CSGALNACT1: variants seen among roughly 807,000 people sequenced by gnomAD.
CSGALNACT1 encodes the protein chondroitin sulfate N-acetylgalactosaminyltransferase 1.
CSGALNACT1 carries 52 observed loss-of-function variants against 51.0 expected under a neutral mutation model. The ratio of observed to expected loss-of-function variants is 1.02; its 90% CI spans 0.82 to 1.29. The LOEUF (loss-of-function observed/expected upper bound fraction) is 1.29. Ranked by LOEUF, CSGALNACT1 falls within the 50% of genes most tolerant of loss-of-function variation. The pLI is 0.00. For missense variants in CSGALNACT1, 935 were observed against 679.2 expected, an observed-to-expected ratio of 1.38 and a Z score of -4.19; for synonymous variants, 341 against 254.4, an observed-to-expected ratio of 1.34 and a Z score of -3.24.
intron 3 of CSGALNACT1, among the ~76,000 whole-genome samples, chr8:19,527,784 G>C (rs1455007088): frequency 1.3e-5 from 2 of 152,158 alleles, no homozygotes; most frequent in East Asian, 3.8e-4. Context: ...ATTTGGGGAG[G>C]AGATTATGAG....
At chr8:19,746,772 G>T (rs2064694003) in intron 1 of CSGALNACT1, among the ~76,000 whole-genome samples, 1 of 152,194 alleles carries the variant, frequency 6.6e-6, no homozygotes, top group East Asian at 1.9e-4. Context: ...GCATGATTTT[G>T]CCATTTCAAA....
At chr8:19,548,530 C>T (rs2087046378) in intron 3 of CSGALNACT1, among the ~76,000 whole-genome samples, 2 of 151,870 alleles carry the variant, frequency 1.3e-5, no homozygotes, top group Admixed American at 1.3e-4. Context: ...CAATATATTC[C>T]AAAAACTCAC....
At chr8:19,423,118 A>G (rs76831308) in intron 6 of CSGALNACT1, among the ~76,000 whole-genome samples, 2,414 of 152,272 alleles carry the variant, frequency 0.016, 55 homozygotes, top group African/African-American at 0.055. Flanking sequence ...ACTACAGGAG[A>G]GTTCAACTAC....
At position 19,658,062 on chromosome 8, in the gene CSGALNACT1, C is replaced by CAAAAA. The variant is rs397973082; in HGVS notation, c.-544+24406_-544+24410dup. ...TATGTGTGCCCTCTCACCCTCCTTC[C>CAAAAA]AAAAAAAAAAAAAAAAAAAAAAGTC... On this transcript the variant is annotated intron_variant, in intron 1 of 9. Coordinates refer to the CSGALNACT1 transcript ENST00000332246. 3.1e-4 allele frequency among the ~76,000 whole-genome samples: 27 copies of CAAAAA among 86,654 alleles called. 1 individual carries two copies. The highest frequency in any genetic ancestry group is 1.1e-3 in the East Asian group (3 of 2,724). 56.8% of individuals were successfully genotyped at this position (86,654 alleles called of 152,430 possible).
chr8:19,737,054 T>G lies in CSGALNACT1; in HGVS notation c.-297+20796A>C, dbSNP rs73202532. On this transcript the variant is annotated intron_variant, in intron 1 of 1. Transcript: ENST00000517494. ...ATGTTTCTATAAATATCAATTCAAT[T>G]TAAAACTGACTTCTCAAAAGCCAGT... is the stretch of plus-strand genomic sequence containing the variant. Among the ~76,000 whole-genome samples, 1,391 of 152,244 alleles carry G rather than the reference T, an allele frequency of 9.1e-3. 11 individuals are homozygous for G. Among genetic ancestry groups the G allele is most frequent in the South Asian group, 0.012 (56 of 4,830 alleles).
upstream of CSGALNACT1, among the ~76,000 whole-genome samples, chr8:19,684,317 G>C (rs957303737): frequency 2.6e-5 from 4 of 152,200 alleles, no homozygotes; most frequent in East Asian, 7.7e-4. Context: ...AATGGGAAAA[G>C]GTACGTTCAT....
rs1241915873 is a variant in CSGALNACT1 at position 19,578,032 on chromosome 8, C to T, written c.-297+13128G>A. On this transcript the variant is annotated intron_variant, in intron 3 of 9. Coordinates refer to ENST00000454498, the Ensembl canonical transcript of CSGALNACT1. ...GGAGCAATGGAAAAAATTACTCCAG[C>T]ACCACAGCTTGCTTTCACTCAGCAG... Among the ~76,000 whole-genome samples, 7 of 152,156 alleles carry T rather than the reference C, an allele frequency of 4.6e-5. No homozygotes were observed. The South Asian group carries it at 1.4e-3, about 32-fold the overall frequency.
chr8:19,406,021 A>C, exon 10 of CSGALNACT1: 1 of 1,614,210 alleles, frequency 6.2e-7, no homozygotes, highest in African/African-American at 1.3e-5. Context: ...CTTGCGATAA[A>C]GGTGCACATC....
At chr8:19,653,326 C>G (rs569913663) in intron 1 of CSGALNACT1, among the ~76,000 whole-genome samples, 1 of 152,166 alleles carries the variant, frequency 6.6e-6, no homozygotes, top group African/African-American at 2.4e-5. Context: ...GGCAGCAATC[C>G]TCCCCTCTCT....
In CSGALNACT1 at chr8:19,458,460, C is replaced by A. The variant is rs370202517; in HGVS notation, c.817G>T (p.Val273Leu). The change falls in exon 5 of 10, where the codon GTG (valine) becomes TTG (leucine). Residue 273 changes from valine to leucine, a missense_variant. Physicochemically the swap from Val to Leu is conservative, Grantham distance 32 (BLOSUM62 1). Transcript: ENST00000454498. ...TGCATGAACTGCCGGAACTTGTCCA[C>A]CCTTTTTGCTAGAGGCACGATAACA... The A allele has an allele frequency of 1.6e-4, 260 of 1,614,040 alleles. No homozygotes were observed. The highest frequency in any genetic ancestry group is 2.1e-4 in the Non-Finnish European group (249 of 1,180,036).
intron 1 of CSGALNACT1, among the ~76,000 whole-genome samples, chr8:19,720,427 G>A (rs1427673657): frequency 6.6e-6 from 1 of 152,180 alleles, no homozygotes; most frequent in South Asian, 2.1e-4. Context: ...AGAGTTCAGA[G>A]GAGGGAGAAA....
intron 1 of CSGALNACT1, among the ~76,000 whole-genome samples, chr8:19,635,905 G>A (rs765526453): frequency 1.3e-5 from 2 of 151,892 alleles, no homozygotes; most frequent in Admixed American, 6.6e-5. Context: ...TTTTTTTGTA[G>A]TTTTAGTAGA....
At chr8:19,732,041 T>G (rs1563164315) in intron 1 of CSGALNACT1, among the ~76,000 whole-genome samples, 1 of 152,366 alleles carries the variant, frequency 6.6e-6, no homozygotes. Flanking sequence ...GGCCAAATGC[T>G]TTCTTACAAT....
At chr8:19,710,052 C>A (rs1288587583) in intron 1 of CSGALNACT1, among the ~76,000 whole-genome samples, 5 of 152,154 alleles carry the variant, frequency 3.3e-5, no homozygotes, top group Non-Finnish European at 7.3e-5. Flanking sequence ...TTACTCCCCA[C>A]AGGCTTAATT....
At chr8:19,523,511 C>T (rs1230701982) in intron 3 of CSGALNACT1, among the ~76,000 whole-genome samples, 1 of 152,054 alleles carries the variant, frequency 6.6e-6, no homozygotes, top group Non-Finnish European at 1.5e-5. Flanking sequence ...CTCCAGCGAT[C>T]CACCCACCTT....
At chr8:19,623,328 T>C (rs2054060721) in intron 1 of CSGALNACT1, among the ~76,000 whole-genome samples, 1 of 152,220 alleles carries the variant, frequency 6.6e-6, no homozygotes, top group South Asian at 2.1e-4. Flanking sequence ...TAATATACCT[T>C]TCTCTGGGGT....
intron 5 of CSGALNACT1, among the ~76,000 whole-genome samples, chr8:19,452,236 A>G (rs924328461): frequency 2.0e-5 from 3 of 152,234 alleles, no homozygotes. Context: ...ACACAGATTC[A>G]GGTGAGAGAA....
At chr8:19,418,899 T>A in intron 7 of CSGALNACT1, 149 bp from the exon 7 acceptor site, 2 of 696,282 alleles carry the variant, frequency 2.9e-6, no homozygotes, top group East Asian at 2.7e-5. Context: ...CAGGCTGCAA[T>A]AGAGTGGCAC....
intron 1 of CSGALNACT1, among the ~76,000 whole-genome samples, chr8:19,744,083 A>T (rs1379187872): frequency 6.6e-6 from 1 of 152,220 alleles, no homozygotes; most frequent in Non-Finnish European, 1.5e-5. Flanking sequence ...ACACGAGAAA[A>T]AAAACTCTTT....
Sources: allele counts gnomAD v4.1 joint callset (sites outside exome capture counted in the v4.1 genomes callset), GRCh38; gene constraint gnomAD v4.1.1; transcripts MANE v1.5; gene names NCBI Gene and HGNC (gene_info 2026-07-23, HGNC 2026-07-21).